SHISA9: variants seen among roughly 807,000 people sequenced by gnomAD.
SHISA9 encodes the protein protein shisa-9.
Under a neutral mutation model 38.0 loss-of-function variants are expected in SHISA9, and 13 were observed. The observed-to-expected ratio is 0.34, with a 90% confidence interval of 0.22 to 0.54. The LOEUF is 0.54. Among genes scored for constraint, SHISA9 ranks in the 20% least tolerant of loss-of-function variants. The pLI, the probability that SHISA9 is intolerant of heterozygous loss-of-function variation, is 0.91. For synonymous variants in SHISA9, 275 were observed against 242.0 expected (o/e 1.14, Z -1.27); for missense variants, 538 against 575.8 (o/e 0.93, Z 0.67).
At chr16:12,924,382 T>C (rs2071368209) in intron 2 of SHISA9, among the ~76,000 whole-genome samples, 2 of 152,340 alleles carry the variant, frequency 1.3e-5, no homozygotes, top group Middle Eastern at 3.4e-3. Flanking sequence ...ACAAACTTGA[T>C]TAAAAGCCCA....
chr16:13,059,197 G>A (rs183878439), intron 2 of SHISA9, among the ~76,000 whole-genome samples: 27 of 142,644 alleles, frequency 1.9e-4, no homozygotes, highest in Admixed American at 7.5e-4. Flanking sequence ...GCGTGATCTC[G>A]GCTCATTGCA....
chr16:13,320,875 A>C, the SHISA9 span, among the ~76,000 whole-genome samples: 1 of 152,192 alleles, frequency 6.6e-6, no homozygotes, highest in African/African-American at 2.4e-5. Context: ...GAAGGTTAGA[A>C]TCTGAGTGTC....
chr16:13,006,970 G>A (rs776990538), intron 2 of SHISA9, among the ~76,000 whole-genome samples: 2 of 151,930 alleles, frequency 1.3e-5, no homozygotes, highest in Non-Finnish European at 2.9e-5. Context: ...TGTCACCCTC[G>A]ACACCTTCTG....
At chr16:13,061,437 C>T (rs1239007259) in intron 2 of SHISA9, among the ~76,000 whole-genome samples, 6 of 152,086 alleles carry the variant, frequency 3.9e-5, no homozygotes, top group Non-Finnish European at 7.4e-5. Context: ...TCGCTTCGTC[C>T]GACAATCTAA....
intron 2 of SHISA9, among the ~76,000 whole-genome samples, chr16:12,941,244 G>C (rs1157682288): frequency 6.6e-6 from 1 of 152,100 alleles, no homozygotes; most frequent in Non-Finnish European, 1.5e-5. Context: ...CTAGCTACCT[G>C]GGAACCTAAG....
chr16:13,251,803 G>T, the SHISA9 span, among the ~76,000 whole-genome samples: 1 of 152,112 alleles, frequency 6.6e-6, no homozygotes, highest in Non-Finnish European at 1.5e-5. Flanking sequence ...CACAAAGAGG[G>T]CTCTGTTGAT....
chr16:13,487,940 C>T, the SHISA9 span, among the ~76,000 whole-genome samples: 10 of 152,148 alleles, frequency 6.6e-5, no homozygotes, highest in Non-Finnish European at 1.2e-4. Context: ...ACTTTGGAAT[C>T]AGAAAGGAGA....
chr16:12,970,353 GTATA>G (rs1229266909), intron 2 of SHISA9, among the ~76,000 whole-genome samples: 2 of 46,738 alleles, frequency 4.3e-5, no homozygotes, highest in African/African-American at 1.9e-4. Flanking sequence ...ACATATATGT[GTATA>G]TATATATATA....
At chr16:13,314,587 C>CA in the SHISA9 span, among the ~76,000 whole-genome samples, 18,867 of 149,386 alleles carry the variant, frequency 0.13, 1,189 homozygotes, top group South Asian at 0.23. Context: ...ATTGATATAC[C>CA]AAAAAAAAAC....
the SHISA9 span, among the ~76,000 whole-genome samples, chr16:13,259,109 G>A: frequency 2.0e-5 from 3 of 152,204 alleles, no homozygotes; most frequent in Non-Finnish European, 4.4e-5. Context: ...TACAATGGGG[G>A]TACAGGTATT....
At chr16:13,139,282 C>T (rs1246821500) in intron 2 of SHISA9, among the ~76,000 whole-genome samples, 3 of 148,828 alleles carry the variant, frequency 2.0e-5, no homozygotes, top group Non-Finnish European at 3.0e-5. Context: ...CTATCTCTTC[C>T]TTCTTCCCTC....
chr16:13,087,376 T>C (rs1357611157), intron 2 of SHISA9, among the ~76,000 whole-genome samples: 1 of 152,138 alleles, frequency 6.6e-6, no homozygotes, highest in Non-Finnish European at 1.5e-5. Flanking sequence ...GTAATTCTAG[T>C]TCTAGATCCT....
At chr16:13,366,248 T>A in the SHISA9 span, among the ~76,000 whole-genome samples, 2 of 152,242 alleles carry the variant, frequency 1.3e-5, no homozygotes, top group Non-Finnish European at 2.9e-5. Flanking sequence ...AATGCTTTAA[T>A]GGAACATTTA....
rs988745281 is a variant in SHISA9 at position 12,956,097 on chromosome 16, G to A, written c.691+39282G>A. 1.2e-4 allele frequency among the ~76,000 whole-genome samples: 18 copies of A among 152,244 alleles called. 1 individual carries two copies. The South Asian group carries it at 1.5e-3, about 12-fold the overall frequency. Reference sequence around the variant, plus strand: ...CCCCGTTAAAAACTGGGCAAAGGGCGTGACAGACATTTCTCAAAAGAAGAA... The same window carrying A: ...CCCCGTTAAAAACTGGGCAAAGGGCATGACAGACATTTCTCAAAAGAAGAA... On this transcript the variant is annotated intron_variant, in intron 2 of 4. Transcript: ENST00000558583.
chr16:13,200,609 CTCCAAGGTGTGG>C (rs1555470833), intron 2 of SHISA9, among the ~76,000 whole-genome samples: 1 of 142,360 alleles, frequency 7.0e-6, no homozygotes, highest in African/African-American at 2.7e-5. Context: ...GGATCTTGGG[CTCCAAGGTGTGG>C]TGAAAGCCAT....
chr16:13,190,493 C>T (rs946715705), intron 2 of SHISA9, among the ~76,000 whole-genome samples: 1 of 152,154 alleles, frequency 6.6e-6, no homozygotes, highest in Non-Finnish European at 1.5e-5. Context: ...CTTCTTTTTG[C>T]TGCCTTTGAA....
At chr16:13,218,468 T>G (rs1247223327) in intron 4 of SHISA9, among the ~76,000 whole-genome samples, 1 of 152,174 alleles carries the variant, frequency 6.6e-6, no homozygotes, top group East Asian at 1.9e-4. Context: ...AATAAAACTG[T>G]TTTCTTAGTG....
the SHISA9 span, among the ~76,000 whole-genome samples, chr16:13,294,087 A>T: frequency 1.3e-5 from 2 of 152,300 alleles, no homozygotes; most frequent in East Asian, 3.9e-4. Flanking sequence ...GTCATTTCTA[A>T]CACAGATGGC....
At position 13,080,352 on chromosome 16, in the gene SHISA9, G is replaced by A. The variant is rs1040218426; in HGVS notation, c.692-123042G>A. On this transcript the variant is annotated intron_variant, in intron 2 of 4. Coordinates refer to ENST00000558583, the MANE Select transcript of SHISA9 (RefSeq NM_001145204.3). ...TGCGCCACTGCACTTCAGCCTGGGC[G>A]ATAGAGTGAGACTCCGTCTCAAAAA... Among the ~76,000 whole-genome samples, 8 of 152,178 alleles carry A rather than the reference G, an allele frequency of 5.3e-5. No individual in the cohort carries two copies. In the South Asian group the frequency reaches 6.2e-4, roughly 12 times the overall value.
Sources: allele counts gnomAD v4.1 joint callset (sites outside exome capture counted in the v4.1 genomes callset), GRCh38; gene constraint gnomAD v4.1.1; transcripts MANE v1.5; gene names NCBI Gene and HGNC (gene_info 2026-07-23, HGNC 2026-07-21).